KHDRBS2: variants seen among roughly 807,000 people sequenced by gnomAD.
KHDRBS2 encodes the protein KH RNA binding domain containing, signal transduction associated 2.
In KHDRBS2, 26 loss-of-function variants were observed where a neutral mutation model predicts 44.3. That is an observed-to-expected ratio of 0.59 (90% CI 0.43 to 0.81). The LOEUF is 0.81. Ranked by LOEUF, KHDRBS2 falls within the 40% of genes least tolerant of loss-of-function variation. The probability of loss-of-function intolerance (pLI) is 0.00; values close to 1 mark genes in which losing one functional copy is unlikely to be tolerated. For missense variants in KHDRBS2, 476 were observed against 433.1 expected (o/e 1.10, Z -0.88); for synonymous variants, 194 against 151.1 (o/e 1.28, Z -2.08).
chr6:61,874,032 C>G (rs7746359), intron 6 of KHDRBS2, among the ~76,000 whole-genome samples: 1 of 151,606 alleles, frequency 6.6e-6, no homozygotes, highest in African/African-American at 2.4e-5. Context: ...TGAACTCTCT[C>G]TATATATAAT....
chr6:61,954,528 A>C (rs1583721982), intron 4 of KHDRBS2, among the ~76,000 whole-genome samples: 1 of 148,126 alleles, frequency 6.8e-6, no homozygotes, highest in Admixed American at 6.8e-5. Context: ...ATACACATAC[A>C]TACGTATGTA....
At chr6:61,774,152 T>C (rs1318010630) in intron 6 of KHDRBS2, among the ~76,000 whole-genome samples, 2 of 152,166 alleles carry the variant, frequency 1.3e-5, no homozygotes, top group East Asian at 3.8e-4. Flanking sequence ...CATATGAACT[T>C]TAAAGTAGTT....
intron 2 of KHDRBS2, among the ~76,000 whole-genome samples, chr6:62,064,793 A>G (rs1584464997): frequency 6.6e-6 from 1 of 152,008 alleles, no homozygotes; most frequent in African/African-American, 2.4e-5. Context: ...GATCTAATTA[A>G]ACTAAACAGC....
the KHDRBS2 span, among the ~76,000 whole-genome samples, chr6:61,600,798 C>T: frequency 1.9e-3 from 291 of 152,272 alleles, 2 homozygotes; most frequent in South Asian, 3.7e-3. Flanking sequence ...CCTCTCTTTA[C>T]TCTCTTCTCC....
intron 6 of KHDRBS2, among the ~76,000 whole-genome samples, chr6:61,815,843 T>C (rs1175600883): frequency 1.3e-5 from 2 of 152,062 alleles, no homozygotes; most frequent in Non-Finnish European, 2.9e-5. Flanking sequence ...CATATGTTGA[T>C]AATAACCTTT....
chr6:62,247,570 T>A lies in KHDRBS2; in HGVS notation c.91+38288A>T, dbSNP rs532359414. ...ATCAAAGTTATTTAAAATGTAGGCTTTTGAGGCCCAGCAAACTTGGATTCC... is the reference window on the plus strand; with the variant it reads ...ATCAAAGTTATTTAAAATGTAGGCTATTGAGGCCCAGCAAACTTGGATTCC... On this transcript the variant is annotated intron_variant, in intron 1 of 8. Coordinates refer to ENST00000281156, the MANE Select transcript of KHDRBS2 (RefSeq NM_152688.4). 2.6e-5 allele frequency among the ~76,000 whole-genome samples: 4 copies of A among 152,102 alleles called. 1 individual carries two copies. In the South Asian group the frequency reaches 8.3e-4, roughly 32 times the overall value.
intron 6 of KHDRBS2, among the ~76,000 whole-genome samples, chr6:61,792,788 T>A (rs1562192047): frequency 6.6e-6 from 1 of 151,930 alleles, no homozygotes; most frequent in Non-Finnish European, 1.5e-5. Context: ...ATATAGCATG[T>A]TCCTGAATAG....
rs551141914 is a variant in KHDRBS2, at chr6:61,946,309, G to A, written c.483+31757C>T. 2.8e-4 allele frequency among the ~76,000 whole-genome samples: 43 copies of A among 152,162 alleles called. No individual in the cohort carries two copies. In the South Asian group the frequency reaches 2.9e-3, roughly 10 times the overall value. ...GAAAGAATAGCATGTATTTAACAACGCACCAAAACCACCTCTTAAAAATTA... is the reference window on the plus strand; with the variant it reads ...GAAAGAATAGCATGTATTTAACAACACACCAAAACCACCTCTTAAAAATTA... On this transcript the variant is annotated intron_variant, in intron 4 of 8. Coordinates refer to ENST00000281156, the MANE Select transcript of KHDRBS2 (RefSeq NM_152688.4).
the KHDRBS2 span, among the ~76,000 whole-genome samples, chr6:61,658,037 A>G: frequency 6.6e-6 from 1 of 151,946 alleles, no homozygotes; most frequent in African/African-American, 2.4e-5. Flanking sequence ...AATTCATTCA[A>G]CAAACAAATA....
intron 3 of KHDRBS2, among the ~76,000 whole-genome samples, chr6:62,007,561 TTG>T (rs1461339442): frequency 6.6e-6 from 1 of 152,148 alleles, no homozygotes; most frequent in African/African-American, 2.4e-5. Context: ...TAATTAATTA[TTG>T]TGTCTTAAAA....
intron 4 of KHDRBS2, among the ~76,000 whole-genome samples, chr6:61,965,340 G>A (rs9969104): frequency 0.045 from 6,830 of 152,130 alleles, 541 homozygotes; most frequent in African/African-American, 0.16. Flanking sequence ...ATGGTCAACC[G>A]CTAGGACTGG....
intron 4 of KHDRBS2, among the ~76,000 whole-genome samples, chr6:61,928,533 A>G (rs998772660): frequency 2.0e-5 from 3 of 151,592 alleles, no homozygotes; most frequent in African/African-American, 7.3e-5. Context: ...GTTATTCACA[A>G]TGATCAAATA....
chr6:62,069,182 T>A (rs1351259942), intron 2 of KHDRBS2, among the ~76,000 whole-genome samples: 1 of 151,670 alleles, frequency 6.6e-6, no homozygotes, highest in African/African-American at 2.4e-5. Flanking sequence ...CTAAGCCTAC[T>A]GTTGACTGGA....
At chr6:61,868,502 G>C (rs766168790) in intron 6 of KHDRBS2, among the ~76,000 whole-genome samples, 1 of 152,116 alleles carries the variant, frequency 6.6e-6, no homozygotes, top group African/African-American at 2.4e-5. Flanking sequence ...CATAGAATAC[G>C]GGCAAGGGTG....
At chr6:62,231,598 A>T (rs1832910601) in intron 1 of KHDRBS2, among the ~76,000 whole-genome samples, 2 of 152,184 alleles carry the variant, frequency 1.3e-5, no homozygotes, top group African/African-American at 4.8e-5. Context: ...ACATGCCAAG[A>T]TTATTCAACA....
intron 3 of KHDRBS2, among the ~76,000 whole-genome samples, chr6:62,019,943 A>ATTTCT (rs1317541366): frequency 1.3e-5 from 2 of 150,820 alleles, no homozygotes; most frequent in Non-Finnish European, 3.0e-5. Context: ...GATCTTTATT[A>ATTTCT]TTTCTTTTCT....
the KHDRBS2 span, among the ~76,000 whole-genome samples, chr6:61,603,647 A>G: frequency 3.3e-5 from 5 of 152,078 alleles, no homozygotes; most frequent in Admixed American, 6.5e-5. Context: ...ATCACAAACT[A>G]TGCTCAACTC....
chr6:61,764,937 T>C (rs1274448878), intron 6 of KHDRBS2, among the ~76,000 whole-genome samples: 1 of 139,528 alleles, frequency 7.2e-6, no homozygotes, highest in Non-Finnish European at 1.6e-5. Flanking sequence ...TTGTACTTTT[T>C]AAAAAAAATC....
At chr6:61,717,772 T>A (rs1276148117) in intron 7 of KHDRBS2, among the ~76,000 whole-genome samples, 1 of 152,154 alleles carries the variant, frequency 6.6e-6, no homozygotes, top group African/African-American at 2.4e-5. Flanking sequence ...AAATAATTTC[T>A]TCTTTTTTTC....
Sources: gnomAD v4.1 joint callset for allele counts (sites outside exome capture counted in the v4.1 genomes callset) on GRCh38, gnomAD v4.1.1 for gene constraint, MANE v1.5 for transcripts, NCBI Gene and HGNC (gene_info 2026-07-23, HGNC 2026-07-21) for gene names.